The following CARMIL2 variants were observed in gnomAD, a reference collection of about 807,000 sequenced individuals.
The protein encoded by CARMIL2 is capping protein regulator and myosin 1 linker 2, also known as capping protein, Arp2/3 and myosin-I linker protein 2.
In CARMIL2, 96 loss-of-function variants were observed where a neutral mutation model predicts 173.3. The ratio of observed to expected loss-of-function variants is 0.55; its 90% CI spans 0.47 to 0.66. The LOEUF is 0.66. Ranked by LOEUF, CARMIL2 falls within the 30% of genes least tolerant of loss-of-function variation. The pLI, the probability that CARMIL2 is intolerant of heterozygous loss-of-function variation, is 0.00. For missense variants in CARMIL2, 1,771 were observed against 1,906.7 expected, an observed-to-expected ratio of 0.93 and a Z score of 1.33; for synonymous variants, 830 against 817.1, an observed-to-expected ratio of 1.02 and a Z score of -0.27.
rs1465225672 is a variant in CARMIL2 at position 67,649,001 on chromosome 16, G to T, written c.1591+27G>T. 6.2e-7 allele frequency: 1 copy of T among 1,602,834 alleles called. No individual in the cohort carries two copies. Among genetic ancestry groups the T allele is most frequent in the African/African-American group, 1.3e-5 (1 of 74,648 alleles). On this transcript the variant is annotated intron_variant, in intron 17 of 37. Coordinates refer to ENST00000334583, the MANE Select transcript of CARMIL2 (RefSeq NM_001013838.3). This position sits in a 1 kb window ranked among gnomAD's most constrained non-coding sequence, Gnocchi z 6.7. ...TGAGGCTGCAGGAGAGCCCATCCTC[G>T]CATCATCCACTCGATTCCCAATCCC...
At position 67,654,652 on chromosome 16, in the gene CARMIL2, C is replaced by A; in HGVS notation, c.3542C>A (p.Pro1181His). The A allele has an allele frequency of 6.3e-7, 1 of 1,586,700 alleles. No individual in the cohort carries two copies. Among genetic ancestry groups the A allele is most frequent in the Non-Finnish European group, 8.6e-7 (1 of 1,164,970 alleles). The change falls in exon 31 of 38, where the codon CCT (proline) becomes CAT (histidine). Residue 1181 changes from proline to histidine, a missense_variant. Physicochemically the swap from Pro to His is moderately conservative, Grantham distance 77. Around this residue, in one of 3 missense-constraint regions of CARMIL2, gnomAD observed 817 missense variants for 903.5 expected, o/e 0.90. Coordinates refer to ENST00000334583, the MANE Select transcript of CARMIL2 (RefSeq NM_001013838.3). ...DSKAYSMILL[P>H]AEEEATLGAR... Reference sequence around the variant, plus strand: ...AAGGCCTACTCGATGATACTGCTGCCTGCCGAGGAGGAGGCAACGCTGGGT... The same window carrying A: ...AAGGCCTACTCGATGATACTGCTGCATGCCGAGGAGGAGGCAACGCTGGGT...
intron 22 of CARMIL2, 73 bp downstream of exon 22, chr16:67,650,223 C>A: frequency 7.6e-7 from 1 of 1,323,970 alleles, no homozygotes; most frequent in Non-Finnish European, 1.1e-6. Context: ...CTCCATGAGT[C>A]AGAGGGTCTG....
In CARMIL2 at chr16:67,648,700, C is replaced by T. The variant is rs1305197259; in HGVS notation, c.1455C>T (p.Gly485=). ...PPDALRALLD[G]LALNTHLRDL... ...CCTCTCCCAGAGCCCTTTTGGATGG[C>T]CTCGCGCTCAACACGCACCTCCGCG... The change falls in exon 16 of 38, where the codon GGC becomes GGT. Residue 485 remains glycine (G), a synonymous_variant. Transcript: ENST00000334583. This position sits in a 1 kb window ranked among gnomAD's most constrained non-coding sequence, Gnocchi z 6.1. 3.7e-6 allele frequency: 6 copies of T among 1,606,448 alleles called. No individual in the cohort carries two copies. In the South Asian group the frequency reaches 6.7e-5, roughly 18 times the overall value.
At position 67,656,528 on chromosome 16, in the gene CARMIL2, C is replaced by T; in HGVS notation, c.3919C>T (p.Gln1307Ter). ...NAELRSRGWG[Q>*]QDGPGPPSPG... ...GGAGCTCAGGAGCCGTGGTTGGGGC[C>T]AACAGGATGGTCCAGGCCCTCCCTC... is the stretch of plus-strand genomic sequence containing the variant. The change falls in exon 35 of 38, where the codon CAA (glutamine) becomes TAA (stop). Residue 1307 changes from glutamine to a stop codon, truncating the protein, a stop_gained. Transcript: ENST00000334583. LOFTEE classifies it high-confidence loss of function. The T allele has an allele frequency of 6.2e-7, 1 of 1,613,536 alleles. No homozygotes were observed. The highest frequency in any genetic ancestry group is 8.5e-7 in the Non-Finnish European group (1 of 1,179,834).
chr16:67,650,859 G>A (rs2052709469), intron 22 of CARMIL2: 2 of 272,554 alleles, frequency 7.3e-6, no homozygotes, highest in South Asian at 6.8e-5. Flanking sequence ...TGCTCCTCCT[G>A]GTCCCTCCTC....
intron 35 of CARMIL2, 63 bp from the exon 36 acceptor site, chr16:67,656,738 G>T (rs2052866004): frequency 6.4e-7 from 1 of 1,555,566 alleles, no homozygotes. Flanking sequence ...CCCTGAGGGT[G>T]GGAGGCAAGG....
chr16:67,647,984 G>A, intron 13 of CARMIL2, 26 bp downstream of exon 13: 5 of 1,604,698 alleles, frequency 3.1e-6, no homozygotes, highest in Non-Finnish European at 4.3e-6. Flanking sequence ...CAGGGTGGGA[G>A]CTTGGGGTTG....
At position 67,657,327 on chromosome 16, in the gene CARMIL2, G is replaced by A. The variant is rs775170513; in HGVS notation, c.4195+11G>A. The A allele has an allele frequency of 3.1e-6, 5 of 1,613,192 alleles. No homozygotes were observed. In the South Asian group the frequency reaches 4.4e-5, roughly 14 times the overall value. ...CATCCCCAAGCCTAGGTAAGAGGGG[G>A]TCCAGGCCAGCTGGGAGGGTGGCAG... On this transcript the variant is annotated intron_variant, in intron 37 of 37. Coordinates refer to ENST00000334583, the MANE Select transcript of CARMIL2 (RefSeq NM_001013838.3). This position sits in a 1 kb window ranked among gnomAD's most constrained non-coding sequence, Gnocchi z 4.5.
chr16:67,648,712 C>A lies in CARMIL2; in HGVS notation c.1467C>A (p.Asn489Lys). ...LRALLDGLAL[N>K]THLRDLHLDL... is the part of the protein sequence containing the mutation. ...CCCTTTTGGATGGCCTCGCGCTCAA[C>A]ACGCACCTCCGCGACCTGCACCTGG... Residue 489 changes from asparagine (N) to lysine (K), a missense_variant, in exon 16 of 38, where the codon AAC becomes AAA. Physicochemically the swap from Asn to Lys is moderately conservative, Grantham distance 94. Transcript: ENST00000334583. The surrounding 1 kb of genome is among the most constrained non-coding windows in gnomAD (Gnocchi z 6.1). 2 of 1,607,682 alleles carry A rather than the reference C, an allele frequency of 1.2e-6. No homozygotes were observed. The highest frequency in any genetic ancestry group is 1.7e-6 in the Non-Finnish European group (2 of 1,177,408).
chr16:67,652,228 G>A lies in CARMIL2; in HGVS notation c.2706G>A (p.Val902=). The A allele has an allele frequency of 6.2e-7, 1 of 1,613,054 alleles. No homozygotes were observed. Residue 902 remains valine (V), a synonymous_variant, in exon 27 of 38, where the codon GTG becomes GTA. Coordinates refer to ENST00000334583, the MANE Select transcript of CARMIL2 (RefSeq NM_001013838.3). This position sits in a 1 kb window ranked among gnomAD's most constrained non-coding sequence, Gnocchi z 4.7. ...AGAGTCTGGCTCAGCAGGCAACAGTGACAATGCCCCCTGCCCTACCAGCAC... is the reference window on the plus strand; with the variant it reads ...AGAGTCTGGCTCAGCAGGCAACAGTAACAATGCCCCCTGCCCTACCAGCAC... ...LVESLAQQAT[V]TMPPALPAPD...
rs1426636866 is a variant in CARMIL2 at position 67,647,495 on chromosome 16, G to T, written c.777-13G>T. On this transcript the variant is annotated splice_polypyrimidine_tract_variant and intron_variant, in intron 10 of 37. Transcript: ENST00000334583. Reference sequence around the variant, plus strand: ...CCAGGGGCAGAATCTCATGCCTGGGGTCTGGTCCCCAGAGACTTTGTCCGA... The same window carrying T: ...CCAGGGGCAGAATCTCATGCCTGGGTTCTGGTCCCCAGAGACTTTGTCCGA... 1.3e-6 allele frequency: 2 copies of T among 1,592,340 alleles called. No homozygotes were observed. The highest frequency in any genetic ancestry group is 1.7e-6 in the Non-Finnish European group (2 of 1,169,852).
chr16:67,648,764 G>T lies in CARMIL2; in HGVS notation c.1509+10G>T. ...CCTCAGCGCTTGCGAGGTGAGCGCC[G>T]GCCCCCAGAAGAGACCACACATTGG... On this transcript the variant is annotated intron_variant, in intron 16 of 37. Transcript: ENST00000334583. This position sits in a 1 kb window ranked among gnomAD's most constrained non-coding sequence, Gnocchi z 6.1. 1 of 1,596,604 alleles carries T rather than the reference G, an allele frequency of 6.3e-7. No individual in the cohort carries two copies. Among genetic ancestry groups the T allele is most frequent in the East Asian group, 2.3e-5 (1 of 43,774 alleles).
At chr16:67,655,913 T>C in intron 32 of CARMIL2, 118 bp from the exon 33 acceptor site, 1 of 1,219,642 alleles carries the variant, frequency 8.2e-7, no homozygotes, top group South Asian at 1.5e-5. Flanking sequence ...GGGTTTGCCA[T>C]GTTCTTGTCC....
chr16:67,647,500 G>T lies in CARMIL2; in HGVS notation c.777-8G>T. 2 of 1,595,936 alleles carry T rather than the reference G, an allele frequency of 1.3e-6. No individual in the cohort carries two copies. Among genetic ancestry groups the T allele is most frequent in the Non-Finnish European group, 1.7e-6 (2 of 1,171,674 alleles). ...GGCAGAATCTCATGCCTGGGGTCTG[G>T]TCCCCAGAGACTTTGTCCGACGACT... is the stretch of plus-strand genomic sequence containing the variant. On this transcript the variant is annotated splice_region_variant and splice_polypyrimidine_tract_variant and intron_variant, in intron 10 of 37. Coordinates refer to ENST00000334583, the MANE Select transcript of CARMIL2 (RefSeq NM_001013838.3).
rs531874776 is a variant in CARMIL2, at chr16:67,647,283, G to A, written c.688-16G>A. 20 of 1,608,188 alleles carry A rather than the reference G, an allele frequency of 1.2e-5. No individual in the cohort carries two copies. The highest frequency in any genetic ancestry group is 6.7e-5 in the East Asian group (3 of 44,716). On this transcript the variant is annotated splice_polypyrimidine_tract_variant and intron_variant, in intron 9 of 37. Coordinates refer to ENST00000334583, the MANE Select transcript of CARMIL2 (RefSeq NM_001013838.3). ...GCCAGGGTGCAGCCCGTGAGCCGCC[G>A]CCCTCTGCTTCTCAGAGCCTTGAGG...
In CARMIL2 at chr16:67,656,311, C is replaced by A; in HGVS notation, c.3814+12C>A. 9.9e-6 allele frequency: 16 copies of A among 1,613,800 alleles called. No homozygotes were observed. The highest frequency in any genetic ancestry group is 1.4e-5 in the Non-Finnish European group (16 of 1,179,698). ...CTCTGTGTCTGCTGGTGAGTGAGGGCCACTGTGTGTGTTGGTAGTGGGAGC... is the reference window on the plus strand; with the variant it reads ...CTCTGTGTCTGCTGGTGAGTGAGGGACACTGTGTGTGTTGGTAGTGGGAGC... On this transcript the variant is annotated intron_variant, in intron 34 of 37. Coordinates refer to ENST00000334583, the MANE Select transcript of CARMIL2 (RefSeq NM_001013838.3).
chr16:67,645,981 T>G (rs1359680096), intron 3 of CARMIL2, 37 bp from the exon 4 acceptor site: 1 of 1,612,676 alleles, frequency 6.2e-7, no homozygotes, highest in Non-Finnish European at 8.5e-7. Flanking sequence ...AGGGCGGGGC[T>G]GGGGGCTTGG....
At position 67,654,852 on chromosome 16, in the gene CARMIL2, G is replaced by A; in HGVS notation, c.3657G>A (p.Arg1219=). ...AGCGGGTACAAGTAATGCTGCAGAG[G>A]ATAGGCGTCAGCCGAGGCAGCGGGG... ...FEQRVQVMLQ[R]IGVSRGSGGA... The change falls in exon 32 of 38, where the codon AGG becomes AGA. Residue 1219 remains arginine, a synonymous_variant. Transcript: ENST00000334583. The A allele has an allele frequency of 1.2e-6, 2 of 1,613,722 alleles. No homozygotes were observed. Among genetic ancestry groups the A allele is most frequent in the Admixed American group, 1.7e-5 (1 of 60,030 alleles).
rs181131541 is a variant in CARMIL2, at chr16:67,654,858, C to T, written c.3663C>T (p.Gly1221=). The T allele has an allele frequency of 1.5e-4, 250 of 1,613,574 alleles. 1 individual carries two copies. The Middle Eastern group carries it at 2.3e-3, about 15-fold the overall frequency. The change falls in exon 32 of 38, where the codon GGC becomes GGT. Residue 1221 remains glycine (G), a synonymous_variant. Coordinates refer to ENST00000334583, the MANE Select transcript of CARMIL2 (RefSeq NM_001013838.3). ...TACAAGTAATGCTGCAGAGGATAGGCGTCAGCCGAGGCAGCGGGGGTGCCG... is the reference window on the plus strand; with the variant it reads ...TACAAGTAATGCTGCAGAGGATAGGTGTCAGCCGAGGCAGCGGGGGTGCCG... ...QRVQVMLQRI[G]VSRGSGGAEG...
Sources: allele counts gnomAD v4.1 joint callset, GRCh38; gene constraint gnomAD v4.1.1; regional missense constraint gnomAD v4.1.1; non-coding constraint Gnocchi (gnomAD v3.1); transcripts MANE v1.5; gene names NCBI Gene and HGNC (gene_info 2026-07-23, HGNC 2026-07-21).